ALG1L2: variants seen among roughly 807,000 people sequenced by gnomAD.
ALG1L2 encodes the protein putative glycosyltransferase ALG1L2.
A neutral mutation model predicts 29.0 loss-of-function variants in ALG1L2; 32 were observed. The observed-to-expected ratio is 1.10, with a 90% confidence interval of 0.83 to 1.48. The LOEUF is 1.48. Ranked by LOEUF, ALG1L2 falls within the 40% of genes most tolerant of loss-of-function variation. ALG1L2 has a pLI of 0.00. For synonymous variants in ALG1L2, 110 were observed against 109.5 expected, an observed-to-expected ratio of 1.00 and a Z score of -0.03; for missense variants, 318 against 274.1, an observed-to-expected ratio of 1.16 and a Z score of -1.13.
intron 1 of ALG1L2, 35 bp downstream of exon 1, chr3:130,082,071 G>A (rs1271519265): frequency 1.2e-5 from 18 of 1,493,622 alleles, no homozygotes; most frequent in Non-Finnish European, 1.5e-5. Context: ...GGATTGCAAT[G>A]CAGAGAAACC....
At chr3:130,094,316 C>A in intron 4 of ALG1L2, 87 bp from the exon 5 acceptor site, 1 of 1,498,688 alleles carries the variant, frequency 6.7e-7, no homozygotes, top group Non-Finnish European at 9.2e-7. Flanking sequence ...GGAAAAGGAT[C>A]CCTCCTAGGG....
chr3:130,092,109 C>T lies in ALG1L2; in HGVS notation c.140C>T (p.Pro47Leu). ...TTTTTCTGCTCCTTCAGCTCAGAAC[C>T]TGAGGACCCAGACACAGAGCGGTCG... ...THSPFRARSEPEDPDTERSAF... is the reference protein window; with the variant it reads ...THSPFRARSELEDPDTERSAF... Residue 47 changes from proline to leucine, a missense_variant, in exon 3 of 8, where the codon CCT (proline) becomes CTT (leucine). Physicochemically the swap from Pro to Leu is moderately conservative, Grantham distance 98. Transcript: ENST00000425059. 6.2e-7 allele frequency: 1 copy of T among 1,613,668 alleles called. No homozygotes were observed. The highest frequency in any genetic ancestry group is 8.5e-7 in the Non-Finnish European group (1 of 1,179,844).
rs938179151 is a variant in ALG1L2, at chr3:130,097,062, G to A, written c.540-113G>A. ...CCACCTCCCAGAAGCCACACACCCT[G>A]TTCCAACCCCCAGCCTGGCTTGAGC... On this transcript the variant is annotated intron_variant, in intron 6 of 7. Transcript: ENST00000425059. 9.8e-6 allele frequency: 15 copies of A among 1,523,562 alleles called. No individual in the cohort carries two copies. In the Admixed American group the frequency reaches 2.8e-4, roughly 29 times the overall value. The allele number at this position is 1,523,562 out of a possible 1,614,324, so 94.4% of individuals were successfully genotyped here.
intron 1 of ALG1L2, chr3:130,089,386 G>C (rs1934960718): frequency 6.6e-6 from 1 of 152,160 alleles, no homozygotes; most frequent in African/African-American, 2.4e-5. Flanking sequence ...CAGAGTCATG[G>C]CCTCAGGCCA....
chr3:130,093,515 C>A (rs1228950235), intron 4 of ALG1L2, among the ~76,000 whole-genome samples: 1 of 151,574 alleles, frequency 6.6e-6, no homozygotes, highest in Non-Finnish European at 1.5e-5. Context: ...CAACCTCTGC[C>A]TCTCACATTC....
chr3:130,086,854 A>T (rs1477998941), intron 1 of ALG1L2, among the ~76,000 whole-genome samples: 2 of 151,086 alleles, frequency 1.3e-5, no homozygotes, highest in African/African-American at 4.8e-5. Flanking sequence ...TGACTCTCCC[A>T]CACCCCTCTG....
chr3:130,091,483 T>C lies in ALG1L2; in HGVS notation c.131+112T>C, dbSNP rs190246087. 724 of 1,117,580 alleles carry C rather than the reference T, an allele frequency of 6.5e-4. 4 individuals carry two copies. The highest frequency in any genetic ancestry group is 1.7e-3 in the Middle Eastern group (6 of 3,532). The allele number at this position is 1,117,580 out of a possible 1,614,324, so 69.2% of individuals were successfully genotyped here. A position where few individuals can be genotyped will look rare whatever the true frequency, so the allele number is the denominator to read the frequency against. ...CATCCAGGGATTGGCAAACTAAGGC[T>C]ACAGGCCAGTCTCCTGCTTTTGTAA... On this transcript the variant is annotated intron_variant, in intron 2 of 7. Coordinates refer to ENST00000425059, the MANE Select transcript of ALG1L2 (RefSeq NM_001136152.1).
intron 5 of ALG1L2, among the ~76,000 whole-genome samples, chr3:130,095,416 TTATTATTA>T (rs1382435599): frequency 1.9e-5 from 1 of 53,858 alleles, no homozygotes; most frequent in Non-Finnish European, 5.1e-5. Flanking sequence ...TGGTTTATTA[TTATTATTA>T]TTATTATTAT....
chr3:130,097,189 T>G lies in ALG1L2; in HGVS notation c.554T>G (p.Val185Gly). Residue 185 changes from valine (V) to glycine (G), a missense_variant, in exon 7 of 8, where the codon GTG becomes GGG. Val to Gly is a moderately radical substitution (Grantham distance 109). Transcript: ENST00000425059. ...AVNFKCLHEL[V>G]KHEENRLVFE... ...TCTCTCTGCAGTTTACATGAGCTGGTGAAACATGAAGAAAACCGCCTGGTC... is the reference window on the plus strand; with the variant it reads ...TCTCTCTGCAGTTTACATGAGCTGGGGAAACATGAAGAAAACCGCCTGGTC... 1 of 1,611,906 alleles carries G rather than the reference T, an allele frequency of 6.2e-7. No homozygotes were observed. Among genetic ancestry groups the G allele is most frequent in the South Asian group, 1.1e-5 (1 of 90,986 alleles).
intron 2 of ALG1L2, chr3:130,091,701 C>T: frequency 1.8e-6 from 1 of 541,766 alleles, no homozygotes. Context: ...AGGCCTGTGG[C>T]AGGATCTGTG....
At chr3:130,097,140 A>C (rs1935157676) in intron 6 of ALG1L2, 35 bp from the exon 7 acceptor site, 1 of 1,610,684 alleles carries the variant, frequency 6.2e-7, no homozygotes, top group East Asian at 2.2e-5. Flanking sequence ...TGTCTTCTCC[A>C]GGAAACTCTC....
chr3:130,091,912 T>C lies in ALG1L2; in HGVS notation c.132-189T>C, dbSNP rs183932093. The C allele has an allele frequency of 1.2e-4, 105 of 909,952 alleles. 1 individual carries two copies. The East Asian group carries it at 2.8e-3, about 24-fold the overall frequency. 56.4% of individuals were successfully genotyped at this position (909,952 alleles called of 1,614,324 possible). ...GTCAGTCTTGTTTGCTGTTGTAACC[T>C]TAGCACCCAGCAACAATATTAGAGA... On this transcript the variant is annotated intron_variant, in intron 2 of 7. Coordinates refer to ENST00000425059, the MANE Select transcript of ALG1L2 (RefSeq NM_001136152.1).
intron 7 of ALG1L2, among the ~76,000 whole-genome samples, chr3:130,098,014 C>A (rs1270122803): frequency 6.6e-6 from 1 of 152,096 alleles, no homozygotes; most frequent in African/African-American, 2.4e-5. Flanking sequence ...TCCAGGGCAC[C>A]AAGTGTGGGA....
At chr3:130,091,656 G>A in intron 2 of ALG1L2, 3 of 551,174 alleles carry the variant, frequency 5.4e-6, no homozygotes. Context: ...TTTAAGGAAT[G>A]TTAAAGGGTC....
At chr3:130,094,319 T>A in intron 4 of ALG1L2, 84 bp from the exon 5 acceptor site, 1 of 1,513,794 alleles carries the variant, frequency 6.6e-7, no homozygotes, top group Non-Finnish European at 9.0e-7. Context: ...AAAGGATCCC[T>A]CCTAGGGGGG....
At position 130,094,477 on chromosome 3, in the gene ALG1L2, C is replaced by G. The variant is rs1935088110; in HGVS notation, c.388C>G (p.Pro130Ala). The change falls in exon 5 of 8, where the codon CCC becomes GCC. Residue 130 changes from proline (P) to alanine (A), a missense_variant. Pro to Ala is a conservative substitution (Grantham distance 27, BLOSUM62 -1). Coordinates refer to ENST00000425059, the MANE Select transcript of ALG1L2 (RefSeq NM_001136152.1). Reference sequence around the variant, plus strand: ...TTTCCAGCACATCCAGGTCTGCATCCCCTGGCTGGAGGGCCGAGGACTACC... The same window carrying G: ...TTTCCAGCACATCCAGGTCTGCATCGCCTGGCTGGAGGGCCGAGGACTACC... ...KHFQHIQVCI[P>A]WLEGRGLPPL... 4 of 1,596,264 alleles carry G rather than the reference C, an allele frequency of 2.5e-6. No individual in the cohort carries two copies. The highest frequency in any genetic ancestry group is 3.4e-6 in the Non-Finnish European group (4 of 1,179,650).
At chr3:130,092,317 C>T (rs1380691229) in intron 3 of ALG1L2, 95 bp downstream of exon 3, 3 of 1,590,520 alleles carry the variant, frequency 1.9e-6, no homozygotes, top group East Asian at 2.3e-5. Flanking sequence ...TGCCCCAACC[C>T]CACCACGGTC....
chr3:130,094,321 C>A, intron 4 of ALG1L2, 82 bp from the exon 5 acceptor site: 1 of 1,519,740 alleles, frequency 6.6e-7, no homozygotes, highest in Non-Finnish European at 9.0e-7. Flanking sequence ...AGGATCCCTC[C>A]TAGGGGGGAG....
chr3:130,094,020 C>G, intron 4 of ALG1L2: 1 of 276,810 alleles, frequency 3.6e-6, no homozygotes, highest in Non-Finnish European at 7.1e-6. Context: ...GCAGGGGCGG[C>G]TTGGAACCTG....
Sources: allele counts gnomAD v4.1 joint callset (sites outside exome capture counted in the v4.1 genomes callset), GRCh38; gene constraint gnomAD v4.1.1; transcripts MANE v1.5; gene names NCBI Gene and HGNC (gene_info 2026-07-23, HGNC 2026-07-21).